HSD17B12: variants seen among roughly 807,000 people sequenced by gnomAD.
The protein encoded by HSD17B12 is hydroxysteroid 17-beta dehydrogenase 12.
In HSD17B12, 32 loss-of-function variants were observed where a neutral mutation model predicts 39.3. That is an observed-to-expected ratio of 0.81 (90% CI 0.61 to 1.09). HSD17B12 has a LOEUF of 1.09. HSD17B12 is among the 50% of genes least tolerant of loss of function. HSD17B12 has a pLI of 0.00. For synonymous variants in HSD17B12, 150 were observed against 146.7 expected, an observed-to-expected ratio of 1.02 and a Z score of -0.16; for missense variants, 342 against 382.9, an observed-to-expected ratio of 0.89 and a Z score of 0.89.
At chr11:43,609,939 T>C in the HSD17B12 span, among the ~76,000 whole-genome samples, 1 of 152,174 alleles carries the variant, frequency 6.6e-6, no homozygotes, top group Non-Finnish European at 1.5e-5. Flanking sequence ...GAAAACAAGA[T>C]CCAGAAAGGT....
chr11:43,785,172 A>T (rs1199433785), intron 3 of HSD17B12, among the ~76,000 whole-genome samples: 2 of 152,104 alleles, frequency 1.3e-5, no homozygotes, highest in Non-Finnish European at 2.9e-5. Flanking sequence ...AAGACTCAGA[A>T]TTGTTGCTGG....
the HSD17B12 span, among the ~76,000 whole-genome samples, chr11:43,586,027 G>T: frequency 6.6e-6 from 1 of 152,196 alleles, no homozygotes; most frequent in Non-Finnish European, 1.5e-5. Context: ...AACAGGTTCA[G>T]AGAGGTTAAG....
chr11:43,836,280 C>T (rs919314817), intron 7 of HSD17B12, among the ~76,000 whole-genome samples: 1 of 152,152 alleles, frequency 6.6e-6, no homozygotes, highest in Non-Finnish European at 1.5e-5. Flanking sequence ...TTGGACATAG[C>T]TGTTCCCAGT....
intron 3 of HSD17B12, among the ~76,000 whole-genome samples, chr11:43,761,005 T>A (rs1046240974): frequency 2.0e-5 from 3 of 152,020 alleles, no homozygotes; most frequent in Non-Finnish European, 4.4e-5. Context: ...TCTACAATTT[T>A]GTCAATGTTC....
chr11:43,730,057 A>C (rs1433968388), intron 1 of HSD17B12, among the ~76,000 whole-genome samples: 2 of 151,066 alleles, frequency 1.3e-5, no homozygotes, highest in African/African-American at 2.4e-5. Flanking sequence ...TTTTTTTTTT[A>C]ATAAAGATAA....
chr11:43,633,662 T>C, the HSD17B12 span, among the ~76,000 whole-genome samples: 4 of 152,216 alleles, frequency 2.6e-5, no homozygotes, highest in African/African-American at 9.7e-5. Context: ...AGAATGTTTT[T>C]AGCTGTTCCA....
chr11:43,786,101 A>G (rs910669792), intron 3 of HSD17B12, among the ~76,000 whole-genome samples: 1 of 152,196 alleles, frequency 6.6e-6, no homozygotes. Context: ...ATTTTTGATA[A>G]TATGCCTGCC....
At chr11:43,619,614 A>T in the HSD17B12 span, among the ~76,000 whole-genome samples, 1 of 151,254 alleles carries the variant, frequency 6.6e-6, no homozygotes, top group Non-Finnish European at 1.5e-5. Context: ...CTGGTCTCAA[A>T]CTCCTGATTT....
chr11:43,848,420 G>T (rs1330708460), intron 9 of HSD17B12: 2 of 152,098 alleles, frequency 1.3e-5, no homozygotes, highest in Non-Finnish European at 2.9e-5. Context: ...TATTCAGTTG[G>T]TTACCTCAAC....
At chr11:43,810,960 A>C (rs527968818) in intron 4 of HSD17B12, among the ~76,000 whole-genome samples, 11 of 152,320 alleles carry the variant, frequency 7.2e-5, no homozygotes, top group Admixed American at 4.6e-4. Flanking sequence ...TGTTGGAGCA[A>C]CATGTGCCAT....
chr11:43,576,740 AG>A, the HSD17B12 span: 1 of 151,972 alleles, frequency 6.6e-6, no homozygotes. Flanking sequence ...GGGACTGACT[AG>A]GGGGTAAGGG....
At chr11:43,844,384 CA>C (rs1346115660) in intron 9 of HSD17B12, among the ~76,000 whole-genome samples, 1 of 152,060 alleles carries the variant, frequency 6.6e-6, no homozygotes, top group Non-Finnish European at 1.5e-5. Flanking sequence ...CCTGGGAATG[CA>C]AAAACACAGT....
At chr11:43,813,150 T>TA (rs1951089199) in intron 4 of HSD17B12, among the ~76,000 whole-genome samples, 1 of 152,168 alleles carries the variant, frequency 6.6e-6, no homozygotes, top group Non-Finnish European at 1.5e-5. Context: ...AACTCTCTAT[T>TA]GTTAATACAG....
intron 1 of HSD17B12, among the ~76,000 whole-genome samples, chr11:43,683,551 A>G (rs1402040792): frequency 6.6e-6 from 1 of 152,210 alleles, no homozygotes; most frequent in Non-Finnish European, 1.5e-5. Context: ...TAATTTGAAA[A>G]ACAAACTAGC....
In HSD17B12 at chr11:43,816,355, G is replaced by A; in HGVS notation, c.465G>A (p.Lys155=). 6.6e-7 allele frequency: 1 copy of A among 1,507,802 alleles called. No homozygotes were observed. Among genetic ancestry groups the A allele is most frequent in the South Asian group, 1.2e-5 (1 of 81,682 alleles). The allele number at this position is 1,507,802 out of a possible 1,614,324, so 93.4% of individuals were successfully genotyped here. Residue 155 remains lysine, a synonymous_variant, in exon 6 of 11, where the codon AAG becomes AAA. Transcript: ENST00000278353. ...LDVPDLDNVI[K]KMININILSV... Reference sequence around the variant, plus strand: ...TCAATATTTTTTTGCAGGTGATCAAGAAAATGATAAATATTAATATTCTTT... The same window carrying A: ...TCAATATTTTTTTGCAGGTGATCAAAAAAATGATAAATATTAATATTCTTT...
chr11:43,674,487 A>C, the HSD17B12 span, among the ~76,000 whole-genome samples: 1 of 152,236 alleles, frequency 6.6e-6, no homozygotes, highest in Non-Finnish European at 1.5e-5. Context: ...AAATGTGTAC[A>C]TTTTAAATAA....
chr11:43,803,967 T>G (rs929079838), intron 4 of HSD17B12, among the ~76,000 whole-genome samples: 1 of 152,200 alleles, frequency 6.6e-6, no homozygotes, highest in Non-Finnish European at 1.5e-5. Flanking sequence ...GAGACTCTCA[T>G]GTGTGCTCCA....
At chr11:43,637,958 G>T in the HSD17B12 span, among the ~76,000 whole-genome samples, 1 of 152,320 alleles carries the variant, frequency 6.6e-6, no homozygotes, top group East Asian at 1.9e-4. Flanking sequence ...TGCACTTGAA[G>T]GCTCTCTGGT....
chr11:43,600,011 C>T, the HSD17B12 span, among the ~76,000 whole-genome samples: 14 of 152,172 alleles, frequency 9.2e-5, no homozygotes, highest in Admixed American at 7.2e-4. Context: ...ATTCAGTGTT[C>T]GGCAGTACTG....
Sources: gnomAD v4.1 joint callset for allele counts (sites outside exome capture counted in the v4.1 genomes callset) on GRCh38, gnomAD v4.1.1 for gene constraint, MANE v1.5 for transcripts, NCBI Gene and HGNC (gene_info 2026-07-23, HGNC 2026-07-21) for gene names.